The following TTBK2 variants were observed in gnomAD, a reference collection of about 807,000 sequenced individuals.
TTBK2 encodes tau tubulin kinase 2.
Under a neutral mutation model 110.8 loss-of-function variants are expected in TTBK2, and 28 were observed. The observed-to-expected ratio is 0.25, with a 90% CI of 0.19 to 0.35. The LOEUF is 0.35. Ranked by LOEUF, TTBK2 falls within the 10% of genes least tolerant of loss-of-function variation. The pLI is 1.00. For synonymous variants in TTBK2, 532 were observed against 527.3 expected (o/e 1.01, Z -0.12); for missense variants, 1,369 against 1,500.3 (o/e 0.91, Z 1.45).
At chr15:42,834,196 A>AGG (rs144301772) in intron 4 of TTBK2, among the ~76,000 whole-genome samples, 11,354 of 123,678 alleles carry the variant, frequency 0.092, 980 homozygotes, top group Admixed American at 0.16. Context: ...AAAAAAAAAA[A>AGG]GGGGGGGGGT....
At chr15:42,815,947 T>TATATA (rs1188195668) in intron 7 of TTBK2, among the ~76,000 whole-genome samples, 15 of 37,452 alleles carry the variant, frequency 4.0e-4, no homozygotes, top group South Asian at 2.5e-3. Flanking sequence ...TATATATATA[T>TATATA]TTAAAAAAAA....
chr15:42,870,355 A>C (rs1300894061), intron 3 of TTBK2, among the ~76,000 whole-genome samples: 2 of 152,074 alleles, frequency 1.3e-5, no homozygotes, highest in East Asian at 1.9e-4. Flanking sequence ...TTTAGGGTCA[A>C]AGAGAAAGGA....
intron 13 of TTBK2, among the ~76,000 whole-genome samples, chr15:42,770,612 A>C (rs1889626838): frequency 6.6e-6 from 1 of 152,204 alleles, no homozygotes; most frequent in South Asian, 2.1e-4. Context: ...GTGTAATATC[A>C]AATACAATTA....
intron 4 of TTBK2, among the ~76,000 whole-genome samples, chr15:42,837,681 AG>A (rs1448115421): frequency 6.7e-6 from 1 of 148,290 alleles, no homozygotes; most frequent in African/African-American, 2.5e-5. Flanking sequence ...AAAAAAAAAA[AG>A]GTTCAGGGAT....
intron 11 of TTBK2, among the ~76,000 whole-genome samples, chr15:42,781,750 G>A (rs566526464): frequency 6.6e-6 from 1 of 152,204 alleles, no homozygotes; most frequent in African/African-American, 2.4e-5. Context: ...AACATAGTAT[G>A]TGTGATTTCA....
rs182602110 is a variant in TTBK2 at position 42,873,469 on chromosome 15, C to T, written c.70-711G>A. 1.8e-3 allele frequency among the ~76,000 whole-genome samples: 280 copies of T among 151,812 alleles called. 1 individual carries two copies. The highest frequency in any genetic ancestry group is 6.8e-3 in the Middle Eastern group (2 of 292). On this transcript the variant is annotated intron_variant, in intron 2 of 14. Coordinates refer to ENST00000267890, the MANE Select transcript of TTBK2 (RefSeq NM_173500.4). ...AAAACAAAAAACACTACAAAATCAC[C>T]CAGCCCTCTCACCACCACTTACCAT...
At chr15:42,819,732 T>C (rs1041645640) in intron 6 of TTBK2, among the ~76,000 whole-genome samples, 42 of 152,204 alleles carry the variant, frequency 2.8e-4, no homozygotes, top group African/African-American at 9.2e-4. Context: ...GGTTGGAGAG[T>C]TCTCTTTTTA....
chr15:42,781,119 T>C (rs1231957886), intron 11 of TTBK2, among the ~76,000 whole-genome samples: 2 of 151,792 alleles, frequency 1.3e-5, no homozygotes, highest in East Asian at 1.9e-4. Flanking sequence ...AGAAAAAAGA[T>C]ACACCAGGCA....
chr15:42,826,401 T>C (rs1443982093), intron 6 of TTBK2, among the ~76,000 whole-genome samples: 2 of 152,202 alleles, frequency 1.3e-5, no homozygotes, highest in East Asian at 1.9e-4. Context: ...ATTTACGATA[T>C]TGACAGAGTG....
At chr15:42,765,638 T>A (rs868731809) in intron 13 of TTBK2, among the ~76,000 whole-genome samples, 3 of 152,274 alleles carry the variant, frequency 2.0e-5, no homozygotes, top group Middle Eastern at 6.8e-3. Flanking sequence ...AAATCTACAT[T>A]TGATTGGTGT....
intron 1 of TTBK2, among the ~76,000 whole-genome samples, chr15:42,917,564 C>G (rs2031147190): frequency 6.7e-6 from 1 of 149,098 alleles, no homozygotes; most frequent in African/African-American, 2.6e-5. Flanking sequence ...GGCTCTTTCA[C>G]CAAATATGTA....
intron 1 of TTBK2, among the ~76,000 whole-genome samples, chr15:42,916,240 A>T (rs1034398438): frequency 1.3e-5 from 2 of 152,202 alleles, no homozygotes; most frequent in African/African-American, 4.8e-5. Flanking sequence ...AATTTCCATG[A>T]GAGGCAAGGC....
At chr15:42,824,464 T>A (rs1455573511) in intron 6 of TTBK2, among the ~76,000 whole-genome samples, 2 of 152,196 alleles carry the variant, frequency 1.3e-5, no homozygotes, top group East Asian at 3.8e-4. Flanking sequence ...ACGGTAACTG[T>A]ACTATTTTTG....
chr15:42,832,922 A>G (rs1028110274), intron 4 of TTBK2, among the ~76,000 whole-genome samples: 1 of 152,214 alleles, frequency 6.6e-6, no homozygotes, highest in Non-Finnish European at 1.5e-5. Flanking sequence ...AAGTACATTA[A>G]TAAGTGAATA....
intron 4 of TTBK2, among the ~76,000 whole-genome samples, chr15:42,838,872 G>A (rs1422258973): frequency 6.6e-6 from 1 of 151,974 alleles, no homozygotes; most frequent in East Asian, 1.9e-4. Flanking sequence ...AAAAGAAAAA[G>A]GAATGGCATT....
Position 42,775,742 on chromosome 15 carries a change from A to G in TTBK2, c.1410-19T>C. ...CTCCAGGCTTAAGGAAATGGAAAGA[A>G]GTTACTCAACTGTCCTAAGGAAACA... On this transcript the variant is annotated intron_variant, in intron 12 of 14. Coordinates refer to ENST00000267890, the MANE Select transcript of TTBK2 (RefSeq NM_173500.4). 1.3e-6 allele frequency: 2 copies of G among 1,595,728 alleles called. No homozygotes were observed. Among genetic ancestry groups the G allele is most frequent in the South Asian group, 1.1e-5 (1 of 90,642 alleles).
chr15:42,754,648 C>G (rs1278894958), intron 13 of TTBK2, among the ~76,000 whole-genome samples: 1 of 147,548 alleles, frequency 6.8e-6, no homozygotes, highest in Non-Finnish European at 1.5e-5. Flanking sequence ...CCACCCACCT[C>G]GGCCTCCCAA....
intron 1 of TTBK2, among the ~76,000 whole-genome samples, chr15:42,890,446 G>A (rs768114826): frequency 6.6e-6 from 1 of 152,148 alleles, no homozygotes; most frequent in African/African-American, 2.4e-5. Context: ...TTTGCCCTAT[G>A]TATCTCTTCA....
chr15:42,873,063 T>C (rs1173653827), intron 2 of TTBK2, among the ~76,000 whole-genome samples: 1 of 152,168 alleles, frequency 6.6e-6, no homozygotes, highest in East Asian at 1.9e-4. Context: ...TTTGAAAGAA[T>C]CACTTCCCAC....
Sources: allele counts gnomAD v4.1 joint callset (sites outside exome capture counted in the v4.1 genomes callset), GRCh38; gene constraint gnomAD v4.1.1; transcripts MANE v1.5; gene names NCBI Gene and HGNC (gene_info 2026-07-23, HGNC 2026-07-21).